Variants in VPS54 observed in about 807,000 individuals in gnomAD.
VPS54 encodes VPS54 subunit of GARP complex.
VPS54 carries 45 observed loss-of-function variants against 121.5 expected under a neutral mutation model. The ratio of observed to expected loss-of-function variants is 0.37; its 90% CI spans 0.29 to 0.47. The LOEUF is 0.47. Among genes scored for constraint, VPS54 ranks in the 20% least tolerant of loss-of-function variants. The pLI, the probability that VPS54 is intolerant of heterozygous loss-of-function variation, is 0.99. For missense variants in VPS54, 1,090 were observed against 1,131.4 expected (o/e 0.96, Z 0.52); for synonymous variants, 371 against 385.8 (o/e 0.96, Z 0.45).
In VPS54 at chr2:63,919,986, T is replaced by G; in HGVS notation, c.2061A>C (p.Leu687Phe). The stretch of plus-strand genomic sequence containing the variant: ...CTGCTTGCTTCCAGCGCTCATTGTC[T>G]AAGAGGAGGCTAGTCCACAGTAAGG... Reference protein sequence around the residue: ...EERKTKLSLLLDNERWKQADV... With the variant: ...EERKTKLSLLFDNERWKQADV... The change falls in exon 15 of 23, where the codon TTA (leucine) becomes TTC (phenylalanine). Residue 687 changes from leucine (L) to phenylalanine (F), a missense_variant. This residue lies in a region of VPS54 where 289 missense variants were observed against 374.4 expected (regional missense o/e 0.77). Transcript: ENST00000272322. 1 of 1,611,130 alleles carries G rather than the reference T, an allele frequency of 6.2e-7. No individual in the cohort carries two copies. Among genetic ancestry groups the G allele is most frequent in the Non-Finnish European group, 8.5e-7 (1 of 1,178,174 alleles).
chr2:63,906,052 T>TA (rs901536165), intron 20 of VPS54, among the ~76,000 whole-genome samples: 7 of 151,930 alleles, frequency 4.6e-5, no homozygotes, highest in Admixed American at 2.6e-4. Context: ...AAAGGCCTCT[T>TA]AAAAAAAACC....
At chr2:63,982,361 C>A (rs1368899369) in intron 2 of VPS54, among the ~76,000 whole-genome samples, 1 of 152,028 alleles carries the variant, frequency 6.6e-6, no homozygotes, top group African/African-American at 2.4e-5. Context: ...GTTGCTGTGG[C>A]ATTAACCATA....
At position 63,911,154 on chromosome 2, in the gene VPS54, A is replaced by C. The variant is rs190351419; in HGVS notation, c.2625+1191T>G. Among the ~76,000 whole-genome samples, 3 of 152,368 alleles carry C rather than the reference A, an allele frequency of 2.0e-5. No homozygotes were observed. The East Asian group carries it at 5.8e-4, about 29-fold the overall frequency. On this transcript the variant is annotated intron_variant, in intron 20 of 22. Transcript: ENST00000272322. ...TATGTTACCGACTTTTGGTACACAG[A>C]AGAATGCTGTATATCAAAAAGGAAA...
Position 63,982,360 on chromosome 2 carries a change from G to C in VPS54, c.137-473C>G, listed in dbSNP as rs189094716. On this transcript the variant is annotated intron_variant, in intron 2 of 22. Coordinates refer to ENST00000272322, the MANE Select transcript of VPS54 (RefSeq NM_016516.3). Reference sequence around the variant, plus strand: ...ATTAGGTGACATAAATGTTGCTGTGGCATTAACCATACAAGAAGGAAAATT... The same window carrying C: ...ATTAGGTGACATAAATGTTGCTGTGCCATTAACCATACAAGAAGGAAAATT... Among the ~76,000 whole-genome samples the C allele has an allele frequency of 9.9e-5, 15 of 152,092 alleles. No individual in the cohort carries two copies. In the East Asian group the frequency reaches 1.7e-3, roughly 18 times the overall value.
At chr2:64,007,922 G>A (rs1454839935) in intron 1 of VPS54, among the ~76,000 whole-genome samples, 2 of 152,048 alleles carry the variant, frequency 1.3e-5, no homozygotes, top group African/African-American at 4.8e-5. Flanking sequence ...TTTCAGGACA[G>A]TGGTTAGGGA....
At chr2:64,016,996 G>C (rs1356304998) in intron 1 of VPS54, among the ~76,000 whole-genome samples, 1 of 142,578 alleles carries the variant, frequency 7.0e-6, no homozygotes, top group Non-Finnish European at 1.5e-5. Context: ...GCAGGAAAGA[G>C]GAATTGTAAT....
At chr2:63,919,554 T>C (rs80209712) in intron 15 of VPS54, among the ~76,000 whole-genome samples, 5,393 of 152,146 alleles carry the variant, frequency 0.035, 226 homozygotes, top group African/African-American at 0.11. Context: ...ATCATTTGTA[T>C]AAAAATTCCT....
At chr2:63,910,380 G>A (rs1275145112) in intron 20 of VPS54, among the ~76,000 whole-genome samples, 1 of 152,158 alleles carries the variant, frequency 6.6e-6, no homozygotes, top group Non-Finnish European at 1.5e-5. Flanking sequence ...GGAGGGGCGT[G>A]TTCTAGTTTA....
chr2:63,996,549 G>C lies in VPS54; in HGVS notation c.-20-12530C>G, dbSNP rs774346372. On this transcript the variant is annotated intron_variant, in intron 1 of 22. Coordinates refer to ENST00000272322, the MANE Select transcript of VPS54 (RefSeq NM_016516.3). ...AACAAGGGAGATAACCATTAGGTCT[G>C]ACTGCCTGGAAGCCACGCAGGACAG... Among the ~76,000 whole-genome samples, 44 of 152,196 alleles carry C rather than the reference G, an allele frequency of 2.9e-4. 1 individual carries two copies. The highest frequency in any genetic ancestry group is 1.6e-4 in the Non-Finnish European group (11 of 68,040).
intron 11 of VPS54, among the ~76,000 whole-genome samples, chr2:63,939,062 T>G (rs1233796047): frequency 6.6e-6 from 1 of 152,218 alleles, no homozygotes; most frequent in East Asian, 1.9e-4. Context: ...AAAATACTAT[T>G]GAAATATTCT....
intron 1 of VPS54, among the ~76,000 whole-genome samples, chr2:63,997,177 G>A (rs1351072288): frequency 5.9e-5 from 9 of 152,260 alleles, no homozygotes; most frequent in South Asian, 4.1e-4. Flanking sequence ...TTTCTGATGC[G>A]TCTTTGTTTG....
chr2:63,909,782 T>C (rs1444353349), intron 20 of VPS54, among the ~76,000 whole-genome samples: 2 of 144,932 alleles, frequency 1.4e-5, no homozygotes, highest in South Asian at 4.8e-4. Flanking sequence ...TGGAGTGCAA[T>C]GGTGCCATCT....
intron 11 of VPS54, among the ~76,000 whole-genome samples, chr2:63,936,589 A>T (rs1339907363): frequency 6.6e-6 from 1 of 152,204 alleles, no homozygotes; most frequent in Non-Finnish European, 1.5e-5. Flanking sequence ...GAAATTTAAA[A>T]GCTAAGAATT....
chr2:63,893,842 C>T (rs1307555411), intron 22 of VPS54, among the ~76,000 whole-genome samples: 1 of 152,104 alleles, frequency 6.6e-6, no homozygotes, highest in African/African-American at 2.4e-5. Context: ...GAGAAAATAA[C>T]AGGCTAAACT....
In VPS54 at chr2:63,892,868, A is replaced by G. The variant is rs1672280111; in HGVS notation, c.*562T>C. The G allele has an allele frequency of 6.5e-6, 1 of 153,306 alleles. No homozygotes were observed. The highest frequency in any genetic ancestry group is 2.4e-5 in the African/African-American group (1 of 41,458). The allele number at this position is 153,306 out of a possible 1,614,324, so 9.5% of individuals were successfully genotyped here. A position where few individuals can be genotyped will look rare whatever the true frequency, so the allele number is the denominator to read the frequency against. Reference sequence around the variant, plus strand: ...CAACACACAAAGCCTGCAACTTGACATTGGTCACTGAAACAAAAATTGAAT... The same window carrying G: ...CAACACACAAAGCCTGCAACTTGACGTTGGTCACTGAAACAAAAATTGAAT... On this transcript the variant is annotated 3_prime_UTR_variant, in exon 23 of 23. Transcript: ENST00000272322.
Position 63,983,845 on chromosome 2 carries a change from C to T in VPS54, c.136+19G>A, listed in dbSNP as rs1183132126. The T allele has an allele frequency of 1.4e-6, 1 of 700,236 alleles. No individual in the cohort carries two copies. The highest frequency in any genetic ancestry group is 3.1e-5 in the Admixed American group (1 of 31,990). The allele number at this position is 700,236 out of a possible 1,614,324, so 43.4% of individuals were successfully genotyped here. A position where few individuals can be genotyped will look rare whatever the true frequency, so the allele number is the denominator to read the frequency against. On this transcript the variant is annotated intron_variant, in intron 2 of 22. Coordinates refer to ENST00000272322, the MANE Select transcript of VPS54 (RefSeq NM_016516.3). The stretch of plus-strand genomic sequence containing the variant: ...ATAGAAATCATCAGTAAAAATCCTA[C>T]AAAAAAAAAAAGCATTACCTGTGGG...
At chr2:63,984,141 G>A in intron 1 of VPS54, 122 bp from the exon 2 acceptor site, 1 of 797,338 alleles carries the variant, frequency 1.3e-6, no homozygotes, top group Non-Finnish European at 1.8e-6. Context: ...TAGGCAATTT[G>A]AATATTTGCT....
At chr2:63,909,607 ACAGGGTT>A (rs1673050082) in intron 20 of VPS54, among the ~76,000 whole-genome samples, 1 of 150,250 alleles carries the variant, frequency 6.7e-6, no homozygotes, top group African/African-American at 2.4e-5. Flanking sequence ...TTTAGTAGAG[ACAGGGTT>A]TAACCATCTT....
intron 1 of VPS54, among the ~76,000 whole-genome samples, chr2:63,987,029 C>T (rs1188123382): frequency 6.6e-6 from 1 of 152,194 alleles, no homozygotes; most frequent in Non-Finnish European, 1.5e-5. Context: ...GATGTCTCCT[C>T]ACTTTGTTGT....
Sources: allele counts gnomAD v4.1 joint callset (sites outside exome capture counted in the v4.1 genomes callset), GRCh38; gene constraint gnomAD v4.1.1; regional missense constraint gnomAD v4.1.1; transcripts MANE v1.5; gene names NCBI Gene and HGNC (gene_info 2026-07-23, HGNC 2026-07-21).